GABRA3: variants seen among roughly 807,000 people sequenced by gnomAD.
GABRA3 encodes the protein gamma-aminobutyric acid type A receptor subunit alpha3, also known as gamma-aminobutyric acid receptor subunit alpha-3.
A neutral mutation model predicts 30.1 loss-of-function variants in GABRA3; 10 were observed. The ratio of observed to expected loss-of-function variants is 0.33; its 90% CI spans 0.20 to 0.56. GABRA3 has a LOEUF of 0.56. Among genes scored for constraint, GABRA3 ranks in the 20% least tolerant of loss-of-function variants. The probability of loss-of-function intolerance (pLI) is 0.89; values close to 1 mark genes in which losing one functional copy is unlikely to be tolerated. For missense variants in GABRA3, 233 were observed against 392.0 expected (o/e 0.59, Z 3.42); for synonymous variants, 151 against 146.8 (o/e 1.03, Z -0.21).
At chrX:152,402,147 A>G (rs1367429457) in intron 1 of GABRA3, among the ~76,000 whole-genome samples, 1 of 112,284 alleles carries the variant, frequency 8.9e-6, no homozygotes, top group Non-Finnish European at 1.9e-5. Flanking sequence ...GAAACACAAT[A>G]GTACAGGACC....
At chrX:152,291,636 T>G (rs1427456513) in intron 3 of GABRA3, among the ~76,000 whole-genome samples, 2 of 111,790 alleles carry the variant, frequency 1.8e-5, no homozygotes, top group South Asian at 7.5e-4. Flanking sequence ...CAGTATGATA[T>G]TGGCTGTGGG....
intron 5 of GABRA3, among the ~76,000 whole-genome samples, chrX:152,236,786 A>G (rs1360911232): frequency 1.0e-5 from 1 of 98,822 alleles, no homozygotes; most frequent in Non-Finnish European, 2.0e-5. Flanking sequence ...GGCTGCATAA[A>G]TGTCTTCTTT....
intron 4 of GABRA3, among the ~76,000 whole-genome samples, chrX:152,264,414 G>A (rs182977950): frequency 4.5e-5 from 5 of 111,546 alleles, no homozygotes; most frequent in African/African-American, 1.3e-4. Context: ...ATACTAAGTT[G>A]TCATCAGCTT....
intron 5 of GABRA3, among the ~76,000 whole-genome samples, chrX:152,229,991 T>C (rs898956503): frequency 3.5e-4 from 39 of 111,456 alleles, no homozygotes; most frequent in South Asian, 3.7e-4. Flanking sequence ...TCATAGTTAA[T>C]AGTGAAAGAC....
At chrX:152,432,415 C>T (rs1456630173) in intron 1 of GABRA3, among the ~76,000 whole-genome samples, 2 of 110,864 alleles carry the variant, frequency 1.8e-5, no homozygotes, top group Non-Finnish European at 3.8e-5. Flanking sequence ...AAAAAGCAAA[C>T]TTTAAAAAAA....
intron 5 of GABRA3, among the ~76,000 whole-genome samples, chrX:152,236,329 C>A (rs1380264608): frequency 1.4e-4 from 14 of 98,056 alleles, no homozygotes; most frequent in East Asian, 6.4e-4. Flanking sequence ...TGAACTCATC[C>A]TTTTTTATGG....
At chrX:152,298,166 G>T (rs934675544) in intron 3 of GABRA3, among the ~76,000 whole-genome samples, 3 of 112,042 alleles carry the variant, frequency 2.7e-5, no homozygotes, top group Non-Finnish European at 5.6e-5. Flanking sequence ...ACTAATATAG[G>T]ATGTGGAGGT....
intron 1 of GABRA3, among the ~76,000 whole-genome samples, chrX:152,427,709 A>G (rs1384412393): frequency 2.7e-5 from 3 of 112,230 alleles, no homozygotes; most frequent in African/African-American, 9.7e-5. Flanking sequence ...CTTAACTTCT[A>G]GCACAGTCAG....
intron 3 of GABRA3, among the ~76,000 whole-genome samples, chrX:152,298,538 T>C (rs1939574622): frequency 9.0e-6 from 1 of 110,518 alleles, no homozygotes; most frequent in African/African-American, 3.3e-5. Context: ...TCCATGTCCC[T>C]ACAAAGGACA....
chrX:152,300,389 T>G (rs1686786478), intron 3 of GABRA3, among the ~76,000 whole-genome samples: 1 of 111,335 alleles, frequency 9.0e-6, no homozygotes, highest in African/African-American at 3.3e-5. Context: ...CTTAACTAAG[T>G]TGATTACCTG....
chrX:152,290,453 T>C (rs1262015624), intron 3 of GABRA3, among the ~76,000 whole-genome samples: 2 of 111,698 alleles, frequency 1.8e-5, no homozygotes, highest in African/African-American at 6.5e-5. Context: ...TTTTCTCCCA[T>C]TCTGTAGGTT....
intron 7 of GABRA3, 114 bp downstream of exon 7, chrX:152,207,887 C>T (rs1937586143): frequency 1.4e-6 from 1 of 717,241 alleles, no homozygotes; most frequent in Non-Finnish European, 2.0e-6. Context: ...CATGATAATA[C>T]TATCTTTGTC....
intron 3 of GABRA3, among the ~76,000 whole-genome samples, chrX:152,326,571 T>C (rs1330743754): frequency 9.0e-6 from 1 of 111,714 alleles, no homozygotes; most frequent in East Asian, 2.8e-4. Flanking sequence ...AAGAAAAGAA[T>C]TTTCAACCCA....
intron 4 of GABRA3, among the ~76,000 whole-genome samples, chrX:152,259,160 G>A (rs985737587): frequency 1.8e-5 from 2 of 111,737 alleles, no homozygotes; most frequent in African/African-American, 6.5e-5. Context: ...GATGCCTGCC[G>A]ATGGAGGGAG....
chrX:152,250,071 G>A (rs1938526040), intron 5 of GABRA3, among the ~76,000 whole-genome samples: 1 of 110,800 alleles, frequency 9.0e-6, no homozygotes, highest in African/African-American at 3.3e-5. Context: ...CTCTACCTCA[G>A]CCCTGTCTCT....
At chrX:152,311,190 C>G (rs1481525624) in intron 3 of GABRA3, among the ~76,000 whole-genome samples, 1 of 111,565 alleles carries the variant, frequency 9.0e-6, no homozygotes, top group Non-Finnish European at 1.9e-5. Context: ...AGAAGGGACT[C>G]CTCTCTAACT....
intron 3 of GABRA3, among the ~76,000 whole-genome samples, chrX:152,332,554 A>C (rs745481638): frequency 8.9e-6 from 1 of 112,191 alleles, no homozygotes; most frequent in Non-Finnish European, 1.9e-5. Context: ...TTATTTTCTT[A>C]ATCCTCAGAA....
chrX:152,322,661 G>A (rs941948070), intron 3 of GABRA3, among the ~76,000 whole-genome samples: 1 of 106,668 alleles, frequency 9.4e-6, no homozygotes, highest in Non-Finnish European at 1.9e-5. Flanking sequence ...AGCCTCCCCA[G>A]TAGCTGGGAT....
chrX:152,328,619 T>C (rs1005742896), intron 3 of GABRA3, among the ~76,000 whole-genome samples: 4 of 111,960 alleles, frequency 3.6e-5, no homozygotes, highest in Non-Finnish European at 7.5e-5. Flanking sequence ...TTTCAATAGA[T>C]GCAGAAAACG....
Sources: allele counts gnomAD v4.1 joint callset (sites outside exome capture counted in the v4.1 genomes callset), GRCh38; gene constraint gnomAD v4.1.1; transcripts MANE v1.5; gene names NCBI Gene and HGNC (gene_info 2026-07-23, HGNC 2026-07-21).